FAM83A: variants seen among roughly 807,000 people sequenced by gnomAD.
FAM83A encodes protein FAM83A.
In FAM83A, 21 loss-of-function variants were observed where a neutral mutation model predicts 24.4. The observed-to-expected ratio is 0.86, with a 90% confidence interval of 0.61 to 1.24. FAM83A has a LOEUF of 1.24. FAM83A is among the 50% of genes most tolerant of loss of function. FAM83A has a pLI of 0.00. For synonymous variants in FAM83A, 270 were observed against 252.4 expected (o/e 1.07, Z -0.66); for missense variants, 617 against 579.8 (o/e 1.06, Z -0.66).
At chr8:123,183,695 CT>C (rs371705178) in intron 1 of FAM83A, among the ~76,000 whole-genome samples, 14 of 59,938 alleles carry the variant, frequency 2.3e-4, no homozygotes, top group Admixed American at 1.4e-3. Flanking sequence ...TTTTTTTTTT[CT>C]TTTTTTTTGA....
At chr8:123,208,052 T>C in exon 4 of FAM83A, 1 of 1,064,218 alleles carries the variant, frequency 9.4e-7, no homozygotes, top group Non-Finnish European at 1.1e-6. Flanking sequence ...GTTTTACAAA[T>C]GGGTAAACAG....
Position 123,183,195 on chromosome 8 carries a change from C to G in FAM83A, c.339C>G (p.Ser113Arg), listed in dbSNP as rs756959814. 5 of 1,613,490 alleles carry G rather than the reference C, an allele frequency of 3.1e-6. No homozygotes were observed. In the South Asian group the frequency reaches 4.4e-5, roughly 14 times the overall value. The change falls in exon 1 of 4, where the codon AGC becomes AGG. Residue 113 changes from serine (S) to arginine (R), a missense_variant. Transcript: ENST00000690554. ...ACTTCCCTGTGGCCTCAGAGGGCAG[C>G]GAGCCGGCCCTACTGCACAGCTGGG...
chr8:123,195,766 G>A (rs761190412), intron 3 of FAM83A, among the ~76,000 whole-genome samples: 5 of 152,084 alleles, frequency 3.3e-5, no homozygotes, highest in Admixed American at 6.5e-5. Context: ...AAAAAGGTGA[G>A]GGAGCTCACT....
intron 1 of FAM83A, among the ~76,000 whole-genome samples, chr8:123,191,094 A>G (rs1249439528): frequency 1.3e-5 from 2 of 152,186 alleles, no homozygotes; most frequent in Non-Finnish European, 2.9e-5. Flanking sequence ...GACCCTTCCA[A>G]ACCACATTGA....
intron 1 of FAM83A, 123 bp from the exon 2 acceptor site, chr8:123,191,680 C>T (rs1451869514): frequency 1.1e-5 from 11 of 1,007,392 alleles, no homozygotes; most frequent in Non-Finnish European, 1.4e-5. Flanking sequence ...CTACCCCATC[C>T]TCTCCCCTCT....
chr8:123,194,222 C>T, intron 3 of FAM83A, 74 bp downstream of exon 3: 14 of 1,582,010 alleles, frequency 8.8e-6, no homozygotes, highest in African/African-American at 1.3e-5. Context: ...CCAGCTCCCG[C>T]TGCTCAGACA....
At chr8:123,193,352 G>A (rs1243738883) in intron 2 of FAM83A, among the ~76,000 whole-genome samples, 1 of 152,218 alleles carries the variant, frequency 6.6e-6, no homozygotes, top group Non-Finnish European at 1.5e-5. Flanking sequence ...TAACTGCCAG[G>A]CCACCTGTGG....
chr8:123,208,610 C>T (rs758476182), exon 4 of FAM83A: 68 of 985,454 alleles, frequency 6.9e-5, no homozygotes, highest in Non-Finnish European at 8.0e-5. Flanking sequence ...CATTTCTTCT[C>T]AATTCACAGT....
At chr8:123,186,752 C>T (rs1444259582) in intron 1 of FAM83A, among the ~76,000 whole-genome samples, 2 of 152,160 alleles carry the variant, frequency 1.3e-5, no homozygotes, top group African/African-American at 4.8e-5. Context: ...ATCGCTTGAA[C>T]CTGGGAGGCG....
At chr8:123,196,925 T>C (rs536921673) in intron 3 of FAM83A, among the ~76,000 whole-genome samples, 32 of 152,330 alleles carry the variant, frequency 2.1e-4, no homozygotes, top group Admixed American at 1.2e-3. Context: ...TTCCTGGTTC[T>C]CTCTCCTGCC....
exon 4 of FAM83A, chr8:123,208,722 G>A (rs1026008595): frequency 1.9e-5 from 19 of 985,480 alleles, no homozygotes; most frequent in Middle Eastern, 5.2e-4. Flanking sequence ...GGGGCCAGGC[G>A]TGGTGGCTCA....
intron 3 of FAM83A, among the ~76,000 whole-genome samples, chr8:123,203,990 C>A (rs1472702664): frequency 2.7e-5 from 4 of 149,786 alleles, no homozygotes; most frequent in Non-Finnish European, 3.0e-5. Flanking sequence ...AAAAAAAATT[C>A]TATAATTATG....
At chr8:123,203,141 C>G (rs1026429533) in intron 3 of FAM83A, among the ~76,000 whole-genome samples, 1 of 150,872 alleles carries the variant, frequency 6.6e-6, no homozygotes. Flanking sequence ...AATCGACTTG[C>G]AATAGTTGAA....
chr8:123,182,436 T>A, upstream of FAM83A: 1 of 391,246 alleles, frequency 2.6e-6, no homozygotes, highest in Non-Finnish European at 5.1e-6. Flanking sequence ...AGGCCCATCC[T>A]CCAGCTGGGC....
chr8:123,191,748 C>A, intron 1 of FAM83A, 55 bp from the exon 2 acceptor site: 2 of 1,589,290 alleles, frequency 1.3e-6, no homozygotes, highest in Non-Finnish European at 1.7e-6. Context: ...TGGGTGAAAC[C>A]AGTTAGCACC....
exon 4 of FAM83A, chr8:123,208,594 A>G (rs982214528): frequency 5.5e-5 from 54 of 985,442 alleles, no homozygotes; most frequent in East Asian, 1.1e-4. Context: ...CACAAGCCCC[A>G]TCATTCATTT....
Position 123,191,785 on chromosome 8 carries a change from C to T in FAM83A, c.481-18C>T, listed in dbSNP as rs928715498. The T allele has an allele frequency of 3.1e-6, 5 of 1,612,032 alleles. No individual in the cohort carries two copies. The highest frequency in any genetic ancestry group is 4.2e-6 in the Non-Finnish European group (5 of 1,179,360). ...GCCCCTGACCTTTCTGGTAACTGAG[C>T]ACTCTGCCCTGGCCCAGGTCCTGGT... On this transcript the variant is annotated intron_variant, in intron 1 of 3. Coordinates refer to ENST00000690554, the Ensembl canonical transcript of FAM83A.
At chr8:123,195,252 T>C (rs1373101131) in intron 3 of FAM83A, among the ~76,000 whole-genome samples, 3 of 152,168 alleles carry the variant, frequency 2.0e-5, no homozygotes, top group Non-Finnish European at 4.4e-5. Flanking sequence ...AACATTGGGA[T>C]AAGCTGGGAG....
At chr8:123,196,944 T>G (rs1405382266) in intron 3 of FAM83A, among the ~76,000 whole-genome samples, 1 of 152,152 alleles carries the variant, frequency 6.6e-6, no homozygotes, top group East Asian at 1.9e-4. Context: ...CCTCATGGAT[T>G]GTATAAGTTA....
Sources: gnomAD v4.1 joint callset for allele counts (sites outside exome capture counted in the v4.1 genomes callset) on GRCh38, gnomAD v4.1.1 for gene constraint, MANE v1.5 for transcripts, NCBI Gene and HGNC (gene_info 2026-07-23, HGNC 2026-07-21) for gene names.